Variants in DLG2 observed in about 807,000 individuals in gnomAD.
DLG2 encodes the protein disks large homolog 2.
In DLG2, 45 loss-of-function variants were observed where a neutral mutation model predicts 132.5. The ratio of observed to expected loss-of-function variants is 0.34; its 90% confidence interval spans 0.27 to 0.44. The LOEUF (loss-of-function observed/expected upper bound fraction) is 0.44. Ranked by LOEUF, DLG2 falls within the 20% of genes least tolerant of loss-of-function variation. The probability of loss-of-function intolerance (pLI) is 1.00; values close to 1 mark genes in which losing one functional copy is unlikely to be tolerated. For synonymous variants in DLG2, 424 were observed against 419.6 expected, an observed-to-expected ratio of 1.01 and a Z score of -0.13; for missense variants, 1,045 against 1,196.9, an observed-to-expected ratio of 0.87 and a Z score of 1.87.
At chr11:85,590,643 C>CTA (rs2079257045) in intron 3 of DLG2, among the ~76,000 whole-genome samples, 1 of 151,358 alleles carries the variant, frequency 6.6e-6, no homozygotes, top group Non-Finnish European at 1.5e-5. Context: ...TTCTCTCTCT[C>CTA]TCTCTCTCTA....
chr11:83,611,673 G>C (rs1245327352), intron 19 of DLG2, among the ~76,000 whole-genome samples: 1 of 152,152 alleles, frequency 6.6e-6, no homozygotes, highest in African/African-American at 2.4e-5. Flanking sequence ...TTCACTGAAT[G>C]GTACTGAATG....
intron 4 of DLG2, among the ~76,000 whole-genome samples, chr11:85,192,574 T>C (rs886682332): frequency 1.3e-5 from 2 of 152,202 alleles, no homozygotes; most frequent in Non-Finnish European, 2.9e-5. Flanking sequence ...AATAGGCACT[T>C]ATTAAAAGTG....
At chr11:84,786,572 G>A (rs1943701) in intron 6 of DLG2, among the ~76,000 whole-genome samples, 66,680 of 151,934 alleles carry the variant, frequency 0.44, 15,265 homozygotes, top group Non-Finnish European at 0.52. Flanking sequence ...TCCGCCTTCC[G>A]TCCACTCATG....
intron 16 of DLG2, among the ~76,000 whole-genome samples, chr11:83,837,914 G>A (rs920770706): frequency 6.6e-5 from 10 of 152,026 alleles, no homozygotes; most frequent in South Asian, 4.2e-4. Context: ...AGAGAAATGG[G>A]GATACATTTT....
At chr11:85,322,542 T>C (rs2081148907) in intron 3 of DLG2, among the ~76,000 whole-genome samples, 3 of 152,196 alleles carry the variant, frequency 2.0e-5, no homozygotes, top group African/African-American at 7.2e-5. Flanking sequence ...GACTGTTCTC[T>C]CATTTTCCAC....
At chr11:84,624,551 C>G (rs1208682469) in intron 6 of DLG2, among the ~76,000 whole-genome samples, 1 of 151,932 alleles carries the variant, frequency 6.6e-6, no homozygotes, top group Non-Finnish European at 1.5e-5. Context: ...ATTTATTGCT[C>G]AGGTACTGTA....
intron 3 of DLG2, among the ~76,000 whole-genome samples, chr11:85,290,507 C>T (rs1167250859): frequency 1.3e-5 from 2 of 151,538 alleles, no homozygotes; most frequent in African/African-American, 2.4e-5. Flanking sequence ...TGAGTCACTG[C>T]AATCCTCTTG....
At chr11:84,824,326 C>T (rs1210210274) in intron 6 of DLG2, among the ~76,000 whole-genome samples, 2 of 151,814 alleles carry the variant, frequency 1.3e-5, no homozygotes, top group South Asian at 4.1e-4. Context: ...CTACTGATCT[C>T]TAAGAGAAGA....
chr11:84,049,778 C>T (rs1555296441), intron 11 of DLG2, among the ~76,000 whole-genome samples: 2 of 151,512 alleles, frequency 1.3e-5, no homozygotes, highest in South Asian at 4.2e-4. Context: ...AAAGAATGAA[C>T]AGAAAAGGAA....
intron 8 of DLG2, among the ~76,000 whole-genome samples, chr11:84,190,786 A>G (rs2154290613): frequency 6.6e-6 from 1 of 152,272 alleles, no homozygotes; most frequent in South Asian, 2.1e-4. Flanking sequence ...CTTCCAATCA[A>G]AATTACTTCC....
intron 22 of DLG2, 43 bp from the exon 23 acceptor site, chr11:83,472,820 T>C: frequency 6.5e-7 from 1 of 1,536,666 alleles, no homozygotes; most frequent in Non-Finnish European, 9.0e-7. Flanking sequence ...CTAACAGTCA[T>C]ATATTACAGA....
chr11:85,339,865 G>A (rs976763386), intron 3 of DLG2, among the ~76,000 whole-genome samples: 7 of 152,152 alleles, frequency 4.6e-5, no homozygotes, highest in African/African-American at 1.7e-4. Flanking sequence ...AGACATCTAT[G>A]GAGCCAACAG....
chr11:84,011,306 T>TA (rs2094878451), intron 11 of DLG2, among the ~76,000 whole-genome samples: 2 of 151,534 alleles, frequency 1.3e-5, no homozygotes, highest in South Asian at 4.2e-4. Context: ...CCTGTCTCTA[T>TA]AAAAAAATAC....
At chr11:85,074,187 C>T (rs1252123857) in intron 6 of DLG2, among the ~76,000 whole-genome samples, 1 of 151,858 alleles carries the variant, frequency 6.6e-6, no homozygotes, top group African/African-American at 2.4e-5. Context: ...CACCAAACCC[C>T]TGCAACATGC....
chr11:85,209,593 A>C (rs1346746670), intron 4 of DLG2, among the ~76,000 whole-genome samples: 1 of 34,068 alleles, frequency 2.9e-5, no homozygotes, highest in African/African-American at 8.5e-5. Context: ...ACACCCAGCT[A>C]ACTTTTTTTT....
chr11:84,348,726 G>A (rs1009481756), intron 7 of DLG2, among the ~76,000 whole-genome samples: 4 of 152,126 alleles, frequency 2.6e-5, no homozygotes, highest in Admixed American at 2.6e-4. Context: ...AATTTTAAGA[G>A]GTCATTAGAG....
At chr11:83,576,101 T>C (rs907568813) in intron 19 of DLG2, among the ~76,000 whole-genome samples, 1 of 152,146 alleles carries the variant, frequency 6.6e-6, no homozygotes, top group East Asian at 1.9e-4. Context: ...AAAACTACAA[T>C]GTTGAAAATG....
chr11:83,866,619 GT>G (rs1005704787), intron 16 of DLG2, among the ~76,000 whole-genome samples: 2 of 152,114 alleles, frequency 1.3e-5, no homozygotes, highest in African/African-American at 4.8e-5. Flanking sequence ...CGAGGAGAAA[GT>G]TTATTCACAA....
intron 6 of DLG2, among the ~76,000 whole-genome samples, chr11:84,966,204 GTCTA>G (rs762685586): frequency 2.2e-4 from 34 of 151,916 alleles, no homozygotes; most frequent in South Asian, 6.2e-4. Context: ...GTATCTCGCT[GTCTA>G]TCTATCTATC....
Sources: gnomAD v4.1 joint callset for allele counts (sites outside exome capture counted in the v4.1 genomes callset) on GRCh38, gnomAD v4.1.1 for gene constraint, MANE v1.5 for transcripts, NCBI Gene and HGNC (gene_info 2026-07-23, HGNC 2026-07-21) for gene names.